Variants in NAA25 observed in about 807,000 individuals in gnomAD.
The protein encoded by NAA25 is N-terminal acetyltransferase B complex subunit NAA25.
A neutral mutation model predicts 132.5 loss-of-function variants in NAA25; 30 were observed. That is an observed-to-expected ratio of 0.23 (90% CI 0.17 to 0.31). NAA25 has a LOEUF of 0.31. Among genes scored for constraint, NAA25 ranks in the 10% least tolerant of loss-of-function variants. NAA25 has a pLI of 1.00. For missense variants in NAA25, 771 were observed against 1,150.4 expected, an observed-to-expected ratio of 0.67 and a Z score of 4.77; for synonymous variants, 359 against 401.9, an observed-to-expected ratio of 0.89 and a Z score of 1.28.
At chr12:112,057,896 A>C (rs2078571259) in intron 13 of NAA25, among the ~76,000 whole-genome samples, 1 of 152,092 alleles carries the variant, frequency 6.6e-6, no homozygotes, top group African/African-American at 2.4e-5. Context: ...CAGGAGAATC[A>C]CTTGAACCTG....
At chr12:112,056,374 A>G (rs2136846385) in intron 13 of NAA25, among the ~76,000 whole-genome samples, 1 of 151,722 alleles carries the variant, frequency 6.6e-6, no homozygotes, top group East Asian at 1.9e-4. Flanking sequence ...AAATTTAAAA[A>G]AATTTAAAAT....
Position 112,072,005 on chromosome 12 carries a change from C to T in NAA25, c.926G>A (p.Arg309Gln), listed in dbSNP as rs374375519. The change falls in exon 10 of 24, where the codon CGG becomes CAG. Residue 309 changes from arginine (R) to glutamine (Q), a missense_variant. Arg to Gln is a conservative substitution (Grantham distance 43). Coordinates refer to ENST00000261745, the MANE Select transcript of NAA25 (RefSeq NM_024953.4). ...AEKAVKFIEDRITEESKSSRH... is the reference protein window; with the variant it reads ...AEKAVKFIEDQITEESKSSRH... The stretch of plus-strand genomic sequence containing the variant: ...AGAACTTTTAGATTCTTCCGTTATC[C>T]GATCTTCTATAAACTTCACAGCTTT... 4.0e-5 allele frequency: 64 copies of T among 1,613,822 alleles called. No individual in the cohort carries two copies. The highest frequency in any genetic ancestry group is 1.1e-4 in the African/African-American group (8 of 74,876).
chr12:112,048,043 T>C (rs1267811846), intron 16 of NAA25, among the ~76,000 whole-genome samples: 2 of 152,126 alleles, frequency 1.3e-5, no homozygotes, highest in Admixed American at 1.3e-4. Context: ...GGCGGAACCT[T>C]CGTAAGCACA....
At chr12:112,085,762 G>A (rs750037791) in intron 4 of NAA25, among the ~76,000 whole-genome samples, 18 of 151,732 alleles carry the variant, frequency 1.2e-4, no homozygotes, top group Non-Finnish European at 2.2e-4. Context: ...GCTCACGCCT[G>A]TAATCCCAGC....
intron 15 of NAA25, among the ~76,000 whole-genome samples, chr12:112,053,083 A>C (rs568169934): frequency 6.6e-6 from 1 of 152,334 alleles, no homozygotes; most frequent in African/African-American, 2.4e-5. Context: ...TTATTCACCT[A>C]GGTTTCTCGG....
At position 112,071,920 on chromosome 12, in the gene NAA25, T is replaced by C. The variant is rs376189600; in HGVS notation, c.1011A>G (p.Gln337=). 2.6e-5 allele frequency: 42 copies of C among 1,613,460 alleles called. No homozygotes were observed. Among genetic ancestry groups the C allele is most frequent in the Non-Finnish European group, 3.4e-5 (40 of 1,179,850 alleles). ...CCAGTTTGTACTCATCGTTACAACC[T>C]TGACTTCGTAAACGCCTAATCAGCT... ...KLELIRRLRS[Q]GCNDEYKLGD... Residue 337 remains glutamine, a synonymous_variant, in exon 10 of 24, where the codon CAA becomes CAG. Coordinates refer to ENST00000261745, the MANE Select transcript of NAA25 (RefSeq NM_024953.4).
At position 112,090,767 on chromosome 12, in the gene NAA25, G is replaced by A. The variant is rs987521896; in HGVS notation, c.242C>T (p.Ser81Leu). ...GTAAAGGATAGTCAGTGCCTGCAGT[G>A]AGTTGTCATCTGTGGGTTCAAGGGC... is the stretch of plus-strand genomic sequence containing the variant. ...VAALEPTDDN[S>L]LQALTILYRE... Residue 81 changes from serine to leucine, a missense_variant, in exon 3 of 24, where the codon TCA becomes TTA. Ser to Leu is a moderately radical substitution (Grantham distance 145). Coordinates refer to ENST00000261745, the MANE Select transcript of NAA25 (RefSeq NM_024953.4). 6.2e-7 allele frequency: 1 copy of A among 1,614,052 alleles called. No homozygotes were observed. The highest frequency in any genetic ancestry group is 2.2e-5 in the East Asian group (1 of 44,872).
intron 4 of NAA25, among the ~76,000 whole-genome samples, chr12:112,081,912 G>T (rs140406567): frequency 6.6e-6 from 1 of 152,154 alleles, no homozygotes; most frequent in African/African-American, 2.4e-5. Context: ...AAAAGCGGGG[G>T]AGAAAACAAA....
intron 1 of NAA25, 33 bp downstream of exon 1, chr12:112,108,683 G>C (rs1180665796): frequency 6.9e-6 from 10 of 1,442,100 alleles, no homozygotes; most frequent in Admixed American, 2.4e-5. Flanking sequence ...TCGGCGCGTC[G>C]GGCTGGCGAG....
At chr12:112,061,139 T>C (rs765993555) in intron 12 of NAA25, 42 bp downstream of exon 12, 4 of 1,548,644 alleles carry the variant, frequency 2.6e-6, no homozygotes, top group Non-Finnish European at 1.8e-6. Context: ...TAAGTCTTAG[T>C]GTAGATCAGG....
chr12:112,058,086 G>A (rs1396258050), intron 13 of NAA25, among the ~76,000 whole-genome samples: 1 of 152,100 alleles, frequency 6.6e-6, no homozygotes, highest in African/African-American at 2.4e-5. Context: ...GGAGGATGTT[G>A]CAGTGAGCCA....
At chr12:112,030,668 C>T (rs1363684908) in intron 23 of NAA25, among the ~76,000 whole-genome samples, 1 of 152,186 alleles carries the variant, frequency 6.6e-6, no homozygotes, top group Admixed American at 6.5e-5. Context: ...AAGTTGAGTG[C>T]TGCAGAGCCT....
At chr12:112,083,192 A>AG (rs1306882672) in intron 4 of NAA25, among the ~76,000 whole-genome samples, 1 of 152,198 alleles carries the variant, frequency 6.6e-6, no homozygotes, top group Non-Finnish European at 1.5e-5. Context: ...GGAAAGATAC[A>AG]GCAGAGGCTG....
intron 13 of NAA25, among the ~76,000 whole-genome samples, chr12:112,057,317 T>C (rs1020193412): frequency 6.6e-6 from 1 of 152,246 alleles, no homozygotes; most frequent in Non-Finnish European, 1.5e-5. Flanking sequence ...TGGCCACATA[T>C]ATTGCTCAAA....
rs2078434146 is a variant in NAA25 at position 112,049,701 on chromosome 12, C to T, written c.1729-1258G>A. 5.1e-5 allele frequency: 46 copies of T among 909,448 alleles called. No homozygotes were observed. Among genetic ancestry groups the T allele is most frequent in the Non-Finnish European group, 5.8e-5 (44 of 760,688 alleles). 56.3% of individuals were successfully genotyped at this position (909,448 alleles called of 1,614,324 possible). On this transcript the variant is annotated intron_variant, in intron 15 of 23. Coordinates refer to ENST00000261745, the MANE Select transcript of NAA25 (RefSeq NM_024953.4). The surrounding 1 kb of genome is among the most constrained non-coding windows in gnomAD (Gnocchi z 4.7). ...TCAAGAAGGACTACCTGAAAAAGCTCGAGTATACCTTCTAGCTTGATTAAA... is the reference window on the plus strand; with the variant it reads ...TCAAGAAGGACTACCTGAAAAAGCTTGAGTATACCTTCTAGCTTGATTAAA...
intron 10 of NAA25, among the ~76,000 whole-genome samples, chr12:112,069,996 C>T (rs1270209936): frequency 1.4e-5 from 2 of 145,334 alleles, no homozygotes; most frequent in South Asian, 2.2e-4. Flanking sequence ...GGTGTGGTGG[C>T]GATCGCCTGT....
At chr12:112,098,119 C>CAAAAAAAAA (rs60232542) in intron 1 of NAA25, among the ~76,000 whole-genome samples, 1 of 54,154 alleles carries the variant, frequency 1.8e-5, no homozygotes, top group Non-Finnish European at 3.8e-5. Flanking sequence ...GACTCCATCT[C>CAAAAAAAAA]AAAAAAAAAA....
At chr12:112,039,496 C>A in intron 21 of NAA25, 157 bp from the exon 22 acceptor site, 1 of 536,288 alleles carries the variant, frequency 1.9e-6, no homozygotes, top group Non-Finnish European at 3.3e-6. Flanking sequence ...TGCAATCACT[C>A]TACTGATCCA....
At position 112,026,709 on chromosome 12, in the gene NAA25, G is replaced by A. The variant is rs1198601683; in HGVS notation, c.*2822C>T. ...AGAAATGCCAACTTAAAATGAAAAT[G>A]TTTATATAAATTAACCCATCCAGTT... On this transcript the variant is annotated 3_prime_UTR_variant, in exon 24 of 24. Transcript: ENST00000261745. 1 of 152,154 alleles carries A rather than the reference G, an allele frequency of 6.6e-6. No individual in the cohort carries two copies. The highest frequency in any genetic ancestry group is 1.5e-5 in the Non-Finnish European group (1 of 68,016). 9.4% of individuals were successfully genotyped at this position (152,154 alleles called of 1,614,324 possible). A position where few individuals can be genotyped will look rare whatever the true frequency, so the allele number is the denominator to read the frequency against.
Sources: allele counts gnomAD v4.1 joint callset (sites outside exome capture counted in the v4.1 genomes callset), GRCh38; gene constraint gnomAD v4.1.1; non-coding constraint Gnocchi (gnomAD v3.1); transcripts MANE v1.5; gene names NCBI Gene and HGNC (gene_info 2026-07-23, HGNC 2026-07-21).